IMMP2L: variants seen among roughly 807,000 people sequenced by gnomAD.
IMMP2L encodes mitochondrial inner membrane protease subunit 2.
In IMMP2L, 18 loss-of-function variants were observed where a neutral mutation model predicts 19.3. The observed-to-expected ratio is 0.93, with a 90% CI of 0.64 to 1.38. The LOEUF is 1.38. Among genes scored for constraint, IMMP2L ranks in the 40% most tolerant of loss-of-function variants. IMMP2L has a pLI of 0.00. For missense variants in IMMP2L, 233 were observed against 218.2 expected, an observed-to-expected ratio of 1.07 and a Z score of -0.43; for synonymous variants, 76 against 73.0, an observed-to-expected ratio of 1.04 and a Z score of -0.21.
intron 3 of IMMP2L, among the ~76,000 whole-genome samples, chr7:111,410,103 T>G (rs369040847): frequency 4.0e-5 from 6 of 151,792 alleles, no homozygotes; most frequent in Non-Finnish European, 8.8e-5. Context: ...CTGTGCTGCA[T>G]AGGGTGAAAC....
At chr7:110,809,701 C>T (rs1477051037) in intron 5 of IMMP2L, among the ~76,000 whole-genome samples, 1 of 151,922 alleles carries the variant, frequency 6.6e-6, no homozygotes, top group African/African-American at 2.4e-5. Flanking sequence ...TGAAGTTCTT[C>T]AAAACCTGAA....
At chr7:110,984,624 T>C (rs1455927603) in intron 3 of IMMP2L, among the ~76,000 whole-genome samples, 3 of 152,090 alleles carry the variant, frequency 2.0e-5, no homozygotes, top group African/African-American at 7.2e-5. Flanking sequence ...TAAAAATTCG[T>C]GGTAATAGTC....
chr7:110,978,088 T>C (rs965468957), intron 3 of IMMP2L, among the ~76,000 whole-genome samples: 7 of 152,108 alleles, frequency 4.6e-5, no homozygotes, highest in Admixed American at 1.3e-4. Flanking sequence ...AAATAATTCA[T>C]AGAACATCCT....
chr7:111,091,545 T>A (rs1364307820), intron 3 of IMMP2L: 2 of 152,208 alleles, frequency 1.3e-5, no homozygotes, highest in Non-Finnish European at 2.9e-5. Flanking sequence ...TACGTTCTAT[T>A]TCTTGTCTCT....
intron 2 of IMMP2L, among the ~76,000 whole-genome samples, chr7:111,506,357 A>G (rs1051782493): frequency 3.9e-5 from 6 of 152,100 alleles, no homozygotes; most frequent in Non-Finnish European, 8.8e-5. Flanking sequence ...TAGACTTCCC[A>G]TTAATCTAGT....
At chr7:111,556,059 G>A (rs112678994) in intron 1 of IMMP2L, among the ~76,000 whole-genome samples, 5 of 62,064 alleles carry the variant, frequency 8.1e-5, no homozygotes, top group African/African-American at 1.9e-4. Flanking sequence ...AAATGAAACC[G>A]CAACCTTGTA....
At chr7:111,556,703 A>T (rs1383220155) in intron 1 of IMMP2L, among the ~76,000 whole-genome samples, 1 of 152,020 alleles carries the variant, frequency 6.6e-6, no homozygotes, top group African/African-American at 2.4e-5. Flanking sequence ...TTCTCCTTTA[A>T]ATTTTTACAT....
At chr7:111,317,739 G>A (rs2130428725) in intron 3 of IMMP2L, among the ~76,000 whole-genome samples, 1 of 151,940 alleles carries the variant, frequency 6.6e-6, no homozygotes, top group African/African-American at 2.4e-5. Flanking sequence ...TGATTTTGTT[G>A]TTGAACTGCT....
At chr7:111,453,219 A>G (rs921383774) in intron 3 of IMMP2L, among the ~76,000 whole-genome samples, 1 of 152,134 alleles carries the variant, frequency 6.6e-6, no homozygotes, top group Non-Finnish European at 1.5e-5. Context: ...CCTCATTTTT[A>G]TGGCATCCCA....
At chr7:111,113,321 G>C (rs1434625103) in intron 3 of IMMP2L, among the ~76,000 whole-genome samples, 1 of 152,050 alleles carries the variant, frequency 6.6e-6, no homozygotes, top group Non-Finnish European at 1.5e-5. Flanking sequence ...GCATATCTAT[G>C]CTTCAAAACC....
chr7:111,237,602 A>G (rs185024594), intron 3 of IMMP2L, among the ~76,000 whole-genome samples: 3 of 152,128 alleles, frequency 2.0e-5, no homozygotes, highest in Admixed American at 1.3e-4. Context: ...TTAAGCAAAA[A>G]TAATTTAAAA....
chr7:111,413,503 T>C (rs1203725624), intron 3 of IMMP2L, among the ~76,000 whole-genome samples: 1 of 151,708 alleles, frequency 6.6e-6, no homozygotes, highest in Non-Finnish European at 1.5e-5. Context: ...AAAAAATACA[T>C]CATGATGAGG....
At chr7:111,319,601 A>G (rs1485199471) in intron 3 of IMMP2L, among the ~76,000 whole-genome samples, 1 of 152,174 alleles carries the variant, frequency 6.6e-6, no homozygotes, top group East Asian at 1.9e-4. Flanking sequence ...TCAATTTTAT[A>G]TGTTTGGTTT....
intron 3 of IMMP2L, among the ~76,000 whole-genome samples, chr7:111,275,940 G>C (rs1325080093): frequency 6.6e-6 from 1 of 152,124 alleles, no homozygotes; most frequent in Non-Finnish European, 1.5e-5. Flanking sequence ...GAGTTGTTCA[G>C]TGGAGTCTGC....
intron 3 of IMMP2L, among the ~76,000 whole-genome samples, chr7:111,040,090 G>A (rs1034983926): frequency 4.6e-5 from 7 of 152,122 alleles, no homozygotes; most frequent in East Asian, 1.9e-4. Context: ...ACTTGAAGCC[G>A]GGAGGCAGAC....
At chr7:111,218,983 T>C (rs977774022) in intron 3 of IMMP2L, among the ~76,000 whole-genome samples, 1 of 152,112 alleles carries the variant, frequency 6.6e-6, no homozygotes, top group African/African-American at 2.4e-5. Context: ...AGAATATCTA[T>C]ACAAGATCAA....
At chr7:111,230,823 C>T (rs951884952) in intron 3 of IMMP2L, among the ~76,000 whole-genome samples, 1 of 151,886 alleles carries the variant, frequency 6.6e-6, no homozygotes, top group African/African-American at 2.4e-5. Flanking sequence ...AAAGGAAGCA[C>T]AGATATGGGA....
At chr7:110,693,133 G>A (rs140205996) in intron 5 of IMMP2L, among the ~76,000 whole-genome samples, 1 of 152,144 alleles carries the variant, frequency 6.6e-6, no homozygotes, top group Non-Finnish European at 1.5e-5. Flanking sequence ...CTGAAGTTCC[G>A]TTTGAGACAA....
At chr7:111,357,850 T>G (rs997691957) in intron 3 of IMMP2L, among the ~76,000 whole-genome samples, 2 of 151,936 alleles carry the variant, frequency 1.3e-5, no homozygotes, top group South Asian at 2.1e-4. Flanking sequence ...CATGCCAATC[T>G]TCCCATGAGC....
Sources: allele counts gnomAD v4.1 joint callset (sites outside exome capture counted in the v4.1 genomes callset), GRCh38; gene constraint gnomAD v4.1.1; transcripts MANE v1.5; gene names NCBI Gene and HGNC (gene_info 2026-07-23, HGNC 2026-07-21).